Variants in ZPBP observed in about 807,000 individuals in gnomAD.
ZPBP encodes zona pellucida-binding protein 1.
Under a neutral mutation model 44.8 loss-of-function variants are expected in ZPBP, and 26 were observed. The observed-to-expected ratio is 0.58, with a 90% CI of 0.43 to 0.81. The LOEUF is 0.81. Among genes scored for constraint, ZPBP ranks in the 30% least tolerant of loss-of-function variants. ZPBP has a pLI of 0.00. For missense variants in ZPBP, 409 were observed against 434.0 expected (o/e 0.94, Z 0.51); for synonymous variants, 174 against 153.2 (o/e 1.14, Z -1.00).
intron 5 of ZPBP, among the ~76,000 whole-genome samples, chr7:50,022,738 A>C (rs889590862): frequency 2.0e-5 from 3 of 152,070 alleles, no homozygotes; most frequent in African/African-American, 7.2e-5. Flanking sequence ...TCACTGGGAA[A>C]ACTGCAGCTT....
the ZPBP span, among the ~76,000 whole-genome samples, chr7:49,842,168 A>G: frequency 1.3e-5 from 2 of 152,172 alleles, no homozygotes; most frequent in African/African-American, 4.8e-5. Flanking sequence ...GCGCCTGGCC[A>G]ATTCAACTCT....
intron 7 of ZPBP, among the ~76,000 whole-genome samples, chr7:49,966,936 G>T (rs981593083): frequency 2.0e-5 from 3 of 152,074 alleles, no homozygotes; most frequent in Non-Finnish European, 4.4e-5. Context: ...TGTCTACTTA[G>T]ACAAACGGGG....
chr7:49,942,979 G>T, intron 7 of ZPBP: 1 of 217,078 alleles, frequency 4.6e-6, no homozygotes, highest in Admixed American at 5.2e-5. Context: ...GATTGTTCTG[G>T]GTTGCTTCTG....
intron 3 of ZPBP, among the ~76,000 whole-genome samples, chr7:50,060,542 C>T (rs1165247957): frequency 1.3e-5 from 2 of 152,082 alleles, no homozygotes; most frequent in Non-Finnish European, 2.9e-5. Context: ...ATGTCCATGC[C>T]CATTAACTAG....
rs538918213 is a variant in ZPBP, at chr7:49,864,932, G to A, written n.510-14418C>T. Among the ~76,000 whole-genome samples, 7 of 152,296 alleles carry A rather than the reference G, an allele frequency of 4.6e-5. No homozygotes were observed. In the South Asian group the frequency reaches 1.5e-3, roughly 32 times the overall value. ...TTTGACTGTTTTCCACGTTTCTAAT[G>A]AAGCTGGTTCTGACAGTTCCTGTTT... is the stretch of plus-strand genomic sequence containing the variant. On this transcript the variant is annotated intron_variant and non_coding_transcript_variant, in intron 2 of 2. Coordinates refer to the ZPBP transcript ENST00000465922.
At chr7:49,978,835 T>G (rs1796646132) in intron 7 of ZPBP, among the ~76,000 whole-genome samples, 1 of 152,046 alleles carries the variant, frequency 6.6e-6, no homozygotes, top group Non-Finnish European at 1.5e-5. Context: ...AGTTATATGC[T>G]TTTCTAAAAC....
At chr7:49,987,876 C>A (rs140560679) in intron 6 of ZPBP, among the ~76,000 whole-genome samples, 1 of 151,746 alleles carries the variant, frequency 6.6e-6, no homozygotes, top group South Asian at 2.1e-4. Flanking sequence ...TTTTAGTTCA[C>A]GTGACATTAA....
At chr7:50,010,418 CA>C (rs759278340) in intron 6 of ZPBP, among the ~76,000 whole-genome samples, 110 of 143,656 alleles carry the variant, frequency 7.7e-4, no homozygotes, top group Middle Eastern at 3.7e-3. Flanking sequence ...CATCCATAGG[CA>C]AAAAAAAAAA....
At chr7:49,905,639 G>C (rs964715807) in intron 1 of ZPBP, among the ~76,000 whole-genome samples, 2 of 152,122 alleles carry the variant, frequency 1.3e-5, no homozygotes, top group East Asian at 3.9e-4. Flanking sequence ...CTGTCTAATG[G>C]AGATGTCAGA....
At chr7:49,991,111 A>AG (rs1797552137) in intron 6 of ZPBP, among the ~76,000 whole-genome samples, 2 of 152,144 alleles carry the variant, frequency 1.3e-5, no homozygotes, top group African/African-American at 4.8e-5. Context: ...AATAATCAAA[A>AG]GGGGTTGGAA....
intron 2 of ZPBP, among the ~76,000 whole-genome samples, chr7:49,884,835 G>A (rs1451450294): frequency 2.6e-5 from 4 of 151,934 alleles, no homozygotes; most frequent in Admixed American, 6.6e-5. Flanking sequence ...TGATATAGAC[G>A]TCAATAGTTA....
chr7:49,976,929 C>T (rs760233394), intron 7 of ZPBP, among the ~76,000 whole-genome samples: 4 of 151,744 alleles, frequency 2.6e-5, no homozygotes, highest in Admixed American at 1.3e-4. Context: ...GGTGAAACCC[C>T]GTCCCTACTA....
chr7:49,992,624 A>T (rs1039323575), intron 6 of ZPBP, among the ~76,000 whole-genome samples: 2 of 152,144 alleles, frequency 1.3e-5, no homozygotes, highest in Non-Finnish European at 2.9e-5. Flanking sequence ...AATCCAAATT[A>T]TAGTGAATAG....
intron 5 of ZPBP, among the ~76,000 whole-genome samples, chr7:50,023,202 T>A (rs1437435056): frequency 1.3e-5 from 2 of 152,018 alleles, no homozygotes; most frequent in Non-Finnish European, 2.9e-5. Context: ...TCTAGCCCTC[T>A]CAGTGTAAAT....
downstream of ZPBP, among the ~76,000 whole-genome samples, chr7:49,932,926 G>A (rs1354846996): frequency 6.6e-6 from 1 of 152,128 alleles, no homozygotes; most frequent in Non-Finnish European, 1.5e-5. Flanking sequence ...CACCATGCAA[G>A]ACGTGACTTT....
At chr7:50,056,049 TATC>T (rs1018823247) in intron 4 of ZPBP, 7 of 152,232 alleles carry the variant, frequency 4.6e-5, no homozygotes, top group African/African-American at 1.7e-4. Flanking sequence ...TTAACCAAAA[TATC>T]ATCAAGAAAC....
chr7:49,870,877 T>A (rs1368784403), intron 2 of ZPBP, among the ~76,000 whole-genome samples: 1 of 152,154 alleles, frequency 6.6e-6, no homozygotes, highest in Non-Finnish European at 1.5e-5. Context: ...ACAAAACATA[T>A]TAATAACAGG....
chr7:49,856,364 C>T (rs896939910), intron 2 of ZPBP, among the ~76,000 whole-genome samples: 4 of 152,120 alleles, frequency 2.6e-5, no homozygotes, highest in South Asian at 2.1e-4. Context: ...CCTCTTTCAA[C>T]GTGATATACT....
chr7:50,091,748 T>C (rs945364450), intron 1 of ZPBP, among the ~76,000 whole-genome samples: 2 of 152,204 alleles, frequency 1.3e-5, no homozygotes, highest in Non-Finnish European at 2.9e-5. Context: ...TCTTCATTGT[T>C]AAATGAGCAA....
Sources: gnomAD v4.1 joint callset for allele counts (sites outside exome capture counted in the v4.1 genomes callset) on GRCh38, gnomAD v4.1.1 for gene constraint, MANE v1.5 for transcripts, NCBI Gene and HGNC (gene_info 2026-07-23, HGNC 2026-07-21) for gene names.